Variants in TENM3 observed in about 807,000 individuals in gnomAD.
The protein encoded by TENM3 is teneurin-3.
In TENM3, 63 loss-of-function variants were observed where a neutral mutation model predicts 255.1. The observed-to-expected ratio is 0.25, with a 90% CI of 0.20 to 0.30. TENM3 has a LOEUF of 0.30. Among genes scored for constraint, TENM3 ranks in the 10% least tolerant of loss-of-function variants. TENM3 has a pLI of 1.00. For synonymous variants in TENM3, 1,306 were observed against 1,322.3 expected, an observed-to-expected ratio of 0.99 and a Z score of 0.27; for missense variants, 2,929 against 3,461.1, an observed-to-expected ratio of 0.85 and a Z score of 3.86.
intron 3 of TENM3, among the ~76,000 whole-genome samples, chr4:182,529,086 A>G (rs531491102): frequency 6.6e-6 from 1 of 152,318 alleles, no homozygotes; most frequent in South Asian, 2.1e-4. Flanking sequence ...TGGCTTATGA[A>G]CTTGTCAATT....
At chr4:182,066,649 G>A in the TENM3 span, among the ~76,000 whole-genome samples, 5 of 150,698 alleles carry the variant, frequency 3.3e-5, no homozygotes, top group Admixed American at 2.0e-4. Flanking sequence ...GGTGGCTCAT[G>A]CCTATAATCC....
the TENM3 span, among the ~76,000 whole-genome samples, chr4:181,731,005 A>G: frequency 6.6e-6 from 1 of 152,214 alleles, no homozygotes; most frequent in Non-Finnish European, 1.5e-5. Flanking sequence ...TATGAATTGT[A>G]GACCACCCAG....
At chr4:181,899,527 TGTTG>T in the TENM3 span, among the ~76,000 whole-genome samples, 1 of 151,984 alleles carries the variant, frequency 6.6e-6, no homozygotes, top group Admixed American at 6.6e-5. Context: ...TTATTTGTTT[TGTTG>T]TTTTGTTGTT....
intron 1 of TENM3, among the ~76,000 whole-genome samples, chr4:182,180,504 A>AT (rs896230908): frequency 9.9e-5 from 15 of 152,172 alleles, no homozygotes; most frequent in African/African-American, 3.1e-4. Context: ...AGAGAGTAGT[A>AT]TTTTTTTAAT....
chr4:182,763,880 T>TTATC (rs898258489), intron 22 of TENM3, among the ~76,000 whole-genome samples: 2 of 152,230 alleles, frequency 1.3e-5, no homozygotes, highest in African/African-American at 4.8e-5. Context: ...GCCCAGGAAT[T>TTATC]TATCTTTATG....
the TENM3 span, among the ~76,000 whole-genome samples, chr4:182,011,988 T>G: frequency 6.6e-6 from 1 of 152,128 alleles, no homozygotes; most frequent in East Asian, 1.9e-4. Context: ...GAGACCTAGA[T>G]AGAGAAGAAC....
chr4:181,512,591 C>G, the TENM3 span, among the ~76,000 whole-genome samples: 2 of 152,160 alleles, frequency 1.3e-5, no homozygotes, highest in African/African-American at 4.8e-5. Context: ...TGATTACAAA[C>G]ATCTAAATCC....
chr4:182,650,865 T>A (rs2152509925), intron 5 of TENM3, among the ~76,000 whole-genome samples: 1 of 140,748 alleles, frequency 7.1e-6, no homozygotes, highest in Middle Eastern at 3.7e-3. Context: ...TCTCACTTTA[T>A]TGAGATTTTC....
At chr4:181,719,563 G>C in the TENM3 span, among the ~76,000 whole-genome samples, 1 of 152,100 alleles carries the variant, frequency 6.6e-6, no homozygotes, top group Non-Finnish European at 1.5e-5. Flanking sequence ...GGCTCCTTGC[G>C]GCCTCTTTTA....
the TENM3 span, among the ~76,000 whole-genome samples, chr4:181,615,061 C>G: frequency 1.3e-5 from 2 of 152,142 alleles, no homozygotes; most frequent in Admixed American, 1.3e-4. Flanking sequence ...TGCTGAATGT[C>G]TAGGTTCCCA....
intron 4 of TENM3, 21 bp from the exon 5 acceptor site, chr4:182,628,630 T>G: frequency 5.6e-6 from 8 of 1,429,280 alleles, no homozygotes; most frequent in Non-Finnish European, 6.8e-6. Context: ...TATCTTATAA[T>G]GATATTCTCC....
chr4:182,076,843 A>G, the TENM3 span, among the ~76,000 whole-genome samples: 1 of 152,322 alleles, frequency 6.6e-6, no homozygotes, highest in South Asian at 2.1e-4. Context: ...AGGCACGGCC[A>G]TGTTCCCATA....
chr4:181,634,356 C>T, the TENM3 span, among the ~76,000 whole-genome samples: 2 of 149,174 alleles, frequency 1.3e-5, no homozygotes, highest in Non-Finnish European at 3.0e-5. Context: ...TCAATGTACA[C>T]ATCTGTTTGA....
At chr4:182,308,550 C>A (rs1546635) in intron 1 of TENM3, among the ~76,000 whole-genome samples, 3 of 151,792 alleles carry the variant, frequency 2.0e-5, no homozygotes, top group Non-Finnish European at 4.4e-5. Flanking sequence ...ATATTGCCCA[C>A]GCTGGTCTTG....
chr4:181,485,028 A>G, the TENM3 span, among the ~76,000 whole-genome samples: 1 of 152,132 alleles, frequency 6.6e-6, no homozygotes, highest in Admixed American at 6.5e-5. Context: ...AGATTACCCC[A>G]AATAAAACCA....
the TENM3 span, among the ~76,000 whole-genome samples, chr4:181,528,713 TC>T: frequency 2.0e-5 from 3 of 152,158 alleles, no homozygotes; most frequent in Non-Finnish European, 4.4e-5. Flanking sequence ...GAGGTGGAAT[TC>T]CATCCCAGAA....
chr4:182,720,975 C>T (rs1306653373), intron 13 of TENM3, among the ~76,000 whole-genome samples: 1 of 151,962 alleles, frequency 6.6e-6, no homozygotes, highest in Non-Finnish European at 1.5e-5. Flanking sequence ...ACCACATTGG[C>T]CAAGCTAGCC....
the TENM3 span, among the ~76,000 whole-genome samples, chr4:181,858,042 A>G: frequency 2.0e-5 from 3 of 152,170 alleles, no homozygotes; most frequent in Non-Finnish European, 2.9e-5. Flanking sequence ...CTAAATATCT[A>G]GAGTATTTTT....
intron 5 of TENM3, among the ~76,000 whole-genome samples, chr4:182,639,342 A>T (rs1397788174): frequency 6.6e-6 from 1 of 152,220 alleles, no homozygotes; most frequent in African/African-American, 2.4e-5. Context: ...TTTCTTCCTC[A>T]ATATAAACAA....
Sources: gnomAD v4.1 joint callset for allele counts (sites outside exome capture counted in the v4.1 genomes callset) on GRCh38, gnomAD v4.1.1 for gene constraint, MANE v1.5 for transcripts, NCBI Gene and HGNC (gene_info 2026-07-23, HGNC 2026-07-21) for gene names.